The following WNK1 variants were observed in gnomAD, a reference collection of about 807,000 sequenced individuals.
WNK1 encodes WNK lysine deficient protein kinase 1.
In WNK1, 38 loss-of-function variants were observed where a neutral mutation model predicts 222.8. The ratio of observed to expected loss-of-function variants is 0.17; its 90% confidence interval spans 0.13 to 0.22. The LOEUF is 0.22. Among genes scored for constraint, WNK1 ranks in the 10% least tolerant of loss-of-function variants. WNK1 has a pLI of 1.00. For missense variants in WNK1, 2,348 were observed against 2,918.4 expected, an observed-to-expected ratio of 0.80 and a Z score of 4.50; for synonymous variants, 1,090 against 1,092.9, an observed-to-expected ratio of 1.00 and a Z score of 0.05.
intron 8 of WNK1, chr12:869,260 C>A: frequency 9.8e-7 from 1 of 1,017,766 alleles, no homozygotes; most frequent in African/African-American, 1.6e-5. Context: ...TTGTGAACTA[C>A]ATATATGCAT....
At chr12:772,548 G>A (rs1275150895) in intron 1 of WNK1, among the ~76,000 whole-genome samples, 3 of 151,834 alleles carry the variant, frequency 2.0e-5, no homozygotes, top group African/African-American at 4.8e-5. Flanking sequence ...GCTGTATGGT[G>A]GCATCATTTG....
At chr12:769,604 G>A (rs558735466) in intron 1 of WNK1, among the ~76,000 whole-genome samples, 1 of 152,174 alleles carries the variant, frequency 6.6e-6, no homozygotes, top group African/African-American at 2.4e-5. Context: ...CCCCACCCCA[G>A]TCCTGCAGCA....
At chr12:795,822 A>T (rs975652120) in intron 1 of WNK1, among the ~76,000 whole-genome samples, 1 of 152,028 alleles carries the variant, frequency 6.6e-6, no homozygotes, top group Non-Finnish European at 1.5e-5. Context: ...AAAGAAAAAA[A>T]TTTTTATGCT....
intron 22 of WNK1, among the ~76,000 whole-genome samples, chr12:892,272 T>A (rs1200002989): frequency 3.3e-5 from 5 of 152,022 alleles, no homozygotes; most frequent in Non-Finnish European, 7.4e-5. Flanking sequence ...GTTCACAAAC[T>A]CTTTTTCTGT....
intron 1 of WNK1, among the ~76,000 whole-genome samples, chr12:784,995 C>A (rs1188528887): frequency 1.3e-5 from 2 of 152,032 alleles, no homozygotes; most frequent in Admixed American, 1.3e-4. Context: ...TTTCCCTTTC[C>A]TCTTTAATAG....
intron 1 of WNK1, among the ~76,000 whole-genome samples, chr12:802,607 T>TA (rs1446797741): frequency 6.6e-6 from 1 of 151,988 alleles, no homozygotes; most frequent in Admixed American, 6.6e-5. Flanking sequence ...CCTCTAGAAG[T>TA]AAAAAAGGAC....
In WNK1 at chr12:884,615, C is replaced by T; in HGVS notation, c.3845-34C>T. 3 of 1,594,910 alleles carry T rather than the reference C, an allele frequency of 1.9e-6. No individual in the cohort carries two copies. Among genetic ancestry groups the T allele is most frequent in the South Asian group, 2.2e-5 (2 of 90,594 alleles). ...TCTTTTGAATCCATCCTTTTAAAATCAGCTGATTCTTATCTTTTTGTATTC... is the reference window on the plus strand; with the variant it reads ...TCTTTTGAATCCATCCTTTTAAAATTAGCTGATTCTTATCTTTTTGTATTC... On this transcript the variant is annotated intron_variant, in intron 18 of 27. Transcript: ENST00000315939. The surrounding 1 kb of genome is among the most constrained non-coding windows in gnomAD (Gnocchi z 5.6).
chr12:882,174 A>C, intron 14 of WNK1, 101 bp downstream of exon 14: 1 of 1,333,290 alleles, frequency 7.5e-7, no homozygotes, highest in Non-Finnish European at 1.0e-6. Context: ...TCATAAAATA[A>C]AGATAACTAT....
rs1442182382 is a variant in WNK1 at position 793,373 on chromosome 12, C to T, written c.760-20269C>T. Among the ~76,000 whole-genome samples, 3 of 152,192 alleles carry T rather than the reference C, an allele frequency of 2.0e-5. No homozygotes were observed. The East Asian group carries it at 5.8e-4, about 29-fold the overall frequency. ...AAAAAGGAGAAAACGTGTTGGTTCT[C>T]CTAATTAATGTAAATTAAAACAAGG... is the stretch of plus-strand genomic sequence containing the variant. On this transcript the variant is annotated intron_variant, in intron 1 of 27. Coordinates refer to ENST00000315939, the MANE Select transcript of WNK1 (RefSeq NM_018979.4).
chr12:886,603 AATT>A (rs767483274), intron 19 of WNK1, among the ~76,000 whole-genome samples: 9 of 152,204 alleles, frequency 5.9e-5, no homozygotes, highest in Non-Finnish European at 1.3e-4. Flanking sequence ...TTTATTATCT[AATT>A]ATGCTGTGGT....
intron 25 of WNK1, among the ~76,000 whole-genome samples, chr12:898,686 A>G (rs1474013849): frequency 6.6e-6 from 1 of 151,894 alleles, no homozygotes; most frequent in Non-Finnish European, 1.5e-5. Context: ...TGGTCCTCCT[A>G]CCTTAGCTTC....
intron 4 of WNK1, among the ~76,000 whole-genome samples, chr12:836,629 C>T (rs1320111975): frequency 6.6e-6 from 1 of 152,088 alleles, no homozygotes; most frequent in Non-Finnish European, 1.5e-5. Flanking sequence ...AAAATGCCTC[C>T]AACTTTTCAA....
chr12:863,670 A>G (rs961759856), intron 8 of WNK1, among the ~76,000 whole-genome samples: 11 of 152,116 alleles, frequency 7.2e-5, no homozygotes, highest in African/African-American at 2.4e-4. Context: ...ATCTAGCTAT[A>G]TTTATTGATG....
At position 881,975 on chromosome 12, in the gene WNK1, A is replaced by G. The variant is rs1247347642; in HGVS notation, c.3274A>G (p.Arg1092Gly). ...TGAGAACGTCCCATCTTCCAGTGGA[A>G]GGCATGAAGGAAGAACTACAAAACG... ...GNENVPSSSG[R>G]HEGRTTKRHY... The change falls in exon 14 of 28, where the codon AGG (arginine) becomes GGG (glycine). Residue 1092 changes from arginine (R) to glycine (G), a missense_variant. By Grantham distance (125) the Arg-to-Gly change is moderately radical (BLOSUM62 -2). Transcript: ENST00000315939. The G allele has an allele frequency of 6.2e-7, 1 of 1,614,074 alleles. No homozygotes were observed. The highest frequency in any genetic ancestry group is 1.3e-5 in the African/African-American group (1 of 74,920).
At chr12:905,900 C>T (rs761785559) in intron 26 of WNK1, among the ~76,000 whole-genome samples, 6 of 152,182 alleles carry the variant, frequency 3.9e-5, no homozygotes, top group Non-Finnish European at 5.9e-5. Flanking sequence ...GCAGTAGTTC[C>T]GTGTCTTGCC....
rs1369174868 is a variant in WNK1, at chr12:887,448, C to T, written c.5364+144C>T. The T allele has an allele frequency of 5.2e-6, 4 of 771,640 alleles. No individual in the cohort carries two copies. The East Asian group carries it at 7.9e-5, about 15-fold the overall frequency. The allele number at this position is 771,640 out of a possible 1,614,324, so 47.8% of individuals were successfully genotyped here. ...TCTTTTAAAATGTTATAACCAATGA[C>T]CCAGTTCCTACTTAAGTAAGAAGCT... On this transcript the variant is annotated intron_variant, in intron 20 of 27. Coordinates refer to ENST00000315939, the MANE Select transcript of WNK1 (RefSeq NM_018979.4).
intron 2 of WNK1, among the ~76,000 whole-genome samples, chr12:826,728 G>A (rs1314532964): frequency 6.6e-6 from 1 of 152,044 alleles, no homozygotes; most frequent in Non-Finnish European, 1.5e-5. Flanking sequence ...AAATATTTTT[G>A]GCTCTGAAAT....
chr12:809,297 A>T (rs149114774), intron 1 of WNK1, among the ~76,000 whole-genome samples: 17 of 149,850 alleles, frequency 1.1e-4, no homozygotes, highest in African/African-American at 4.2e-4. Context: ...ATGATAGGTA[A>T]AAGTCTCCAT....
intron 4 of WNK1, among the ~76,000 whole-genome samples, chr12:842,201 A>G (rs946648240): frequency 1.3e-5 from 2 of 152,208 alleles, no homozygotes; most frequent in African/African-American, 4.8e-5. Context: ...ATTTGAGGTG[A>G]CCTTCAGAAT....
Sources: allele counts gnomAD v4.1 joint callset (sites outside exome capture counted in the v4.1 genomes callset), GRCh38; gene constraint gnomAD v4.1.1; non-coding constraint Gnocchi (gnomAD v3.1); transcripts MANE v1.5; gene names NCBI Gene and HGNC (gene_info 2026-07-23, HGNC 2026-07-21).